The following CACNG3 variants were observed in gnomAD, a reference collection of about 807,000 sequenced individuals.
CACNG3 encodes the protein calcium voltage-gated channel auxiliary subunit gamma 3.
Under a neutral mutation model 28.5 loss-of-function variants are expected in CACNG3, and 3 were observed. That is an observed-to-expected ratio of 0.11 (90% CI 0.05 to 0.27). The LOEUF is 0.27. CACNG3 is among the 10% of genes least tolerant of loss of function. CACNG3 has a pLI of 1.00. For synonymous variants in CACNG3, 174 were observed against 162.2 expected, an observed-to-expected ratio of 1.07 and a Z score of -0.55; for missense variants, 236 against 414.4, an observed-to-expected ratio of 0.57 and a Z score of 3.74.
intron 1 of CACNG3, among the ~76,000 whole-genome samples, chr16:24,259,083 G>A (rs1044714423): frequency 1.1e-4 from 17 of 152,330 alleles, no homozygotes; most frequent in Admixed American, 7.8e-4. Flanking sequence ...AGAAGGAATT[G>A]GATGAATTGA....
intron 2 of CACNG3, among the ~76,000 whole-genome samples, chr16:24,354,417 C>T (rs574827340): frequency 6.6e-6 from 1 of 151,974 alleles, no homozygotes; most frequent in East Asian, 1.9e-4. Flanking sequence ...AAAATGGGGG[C>T]AGTAGTCGCT....
At chr16:24,261,873 G>A (rs1226819470) in intron 1 of CACNG3, among the ~76,000 whole-genome samples, 1 of 152,116 alleles carries the variant, frequency 6.6e-6, no homozygotes, top group Non-Finnish European at 1.5e-5. Flanking sequence ...TCAGCCAGAC[G>A]GGGTTTCAGC....
intron 1 of CACNG3, among the ~76,000 whole-genome samples, chr16:24,277,231 C>A (rs559120980): frequency 6.6e-6 from 1 of 152,284 alleles, no homozygotes; most frequent in Non-Finnish European, 1.5e-5. Context: ...GCAGGACCAG[C>A]ATATGACCTA....
rs1299083629 is a variant in CACNG3, at chr16:24,334,871, C to A, written c.212-11863C>A. ...TGAGAATACACACGCATGCATGCACCCACATGCACAGGTCTGCACATGTGT... is the reference window on the plus strand; with the variant it reads ...TGAGAATACACACGCATGCATGCACACACATGCACAGGTCTGCACATGTGT... On this transcript the variant is annotated intron_variant, in intron 1 of 3. Transcript: ENST00000005284. Among the ~76,000 whole-genome samples the A allele has an allele frequency of 2.0e-5, 3 of 152,266 alleles. No individual in the cohort carries two copies. In the South Asian group the frequency reaches 6.2e-4, roughly 32 times the overall value.
At chr16:24,316,519 C>T (rs1474920904) in intron 1 of CACNG3, among the ~76,000 whole-genome samples, 1 of 152,190 alleles carries the variant, frequency 6.6e-6, no homozygotes, top group Admixed American at 6.5e-5. Context: ...TTTCTGTGTC[C>T]CCCACAGAGC....
At chr16:24,307,116 G>A (rs1899196652) in intron 1 of CACNG3, among the ~76,000 whole-genome samples, 1 of 152,076 alleles carries the variant, frequency 6.6e-6, no homozygotes, top group South Asian at 2.1e-4. Context: ...ATCTCCAAAT[G>A]CCATCTTTGC....
chr16:24,360,651 G>A (rs1179265063), intron 3 of CACNG3, among the ~76,000 whole-genome samples: 1 of 152,142 alleles, frequency 6.6e-6, no homozygotes, highest in African/African-American at 2.4e-5. Context: ...AACTTAATGT[G>A]TTCAAACCTC....
At chr16:24,287,040 G>A (rs1204920660) in intron 1 of CACNG3, among the ~76,000 whole-genome samples, 1 of 152,206 alleles carries the variant, frequency 6.6e-6, no homozygotes, top group Admixed American at 6.5e-5. Context: ...CACAATGGAT[G>A]GGATGGCATG....
At chr16:24,259,372 A>G (rs1413624064) in intron 1 of CACNG3, among the ~76,000 whole-genome samples, 1 of 152,208 alleles carries the variant, frequency 6.6e-6, no homozygotes, top group East Asian at 1.9e-4. Context: ...GGGAAGTCAC[A>G]TGCAGTTGGT....
At chr16:24,287,535 G>T (rs1310706440) in intron 1 of CACNG3, among the ~76,000 whole-genome samples, 1 of 143,044 alleles carries the variant, frequency 7.0e-6, no homozygotes, top group African/African-American at 2.6e-5. Flanking sequence ...AAAAAAAAAA[G>T]GAAGAAAAAG....
chr16:24,335,280 C>T (rs1287453263), intron 1 of CACNG3, among the ~76,000 whole-genome samples: 1 of 151,992 alleles, frequency 6.6e-6, no homozygotes, highest in Non-Finnish European at 1.5e-5. Flanking sequence ...ATTAGCTGGG[C>T]GTGGTGGCGG....
intron 1 of CACNG3, among the ~76,000 whole-genome samples, chr16:24,309,937 G>A (rs889065786): frequency 3.3e-5 from 5 of 152,296 alleles, no homozygotes; most frequent in Admixed American, 2.0e-4. Flanking sequence ...GACTTCAGAC[G>A]TAATTTTAAA....
At chr16:24,325,364 G>A (rs776609738) in intron 1 of CACNG3, among the ~76,000 whole-genome samples, 7 of 152,128 alleles carry the variant, frequency 4.6e-5, no homozygotes, top group African/African-American at 9.7e-5. Context: ...GGGTTAGGGG[G>A]ACGTCAGTTA....
chr16:24,317,313 G>T (rs528222641), intron 1 of CACNG3, among the ~76,000 whole-genome samples: 4 of 152,148 alleles, frequency 2.6e-5, no homozygotes, highest in African/African-American at 9.6e-5. Context: ...AGGCCAAAAC[G>T]GGCGGATCAC....
chr16:24,278,636 A>C (rs1336378257), intron 1 of CACNG3, among the ~76,000 whole-genome samples: 1 of 152,122 alleles, frequency 6.6e-6, no homozygotes, highest in African/African-American at 2.4e-5. Context: ...AAATAAATAA[A>C]TAAATAAAAT....
chr16:24,324,702 T>A (rs1271973417), intron 1 of CACNG3, among the ~76,000 whole-genome samples: 1 of 152,194 alleles, frequency 6.6e-6, no homozygotes, highest in Non-Finnish European at 1.5e-5. Context: ...CAGTGGCCCA[T>A]GTGCTCTCCC....
chr16:24,336,604 C>A (rs1899714366), intron 1 of CACNG3, among the ~76,000 whole-genome samples: 1 of 125,042 alleles, frequency 8.0e-6, no homozygotes, highest in Non-Finnish European at 1.9e-5. Context: ...CTGAGGAGAT[C>A]AAGTCCAGGC....
At chr16:24,257,375 GAGA>G (rs1898476473) in intron 1 of CACNG3, among the ~76,000 whole-genome samples, 1 of 29,896 alleles carries the variant, frequency 3.3e-5, no homozygotes, top group Non-Finnish European at 6.6e-5. Flanking sequence ...GGGGGAGAGA[GAGA>G]GAGAGAGAGA....
At chr16:24,317,075 C>A (rs574877811) in intron 1 of CACNG3, among the ~76,000 whole-genome samples, 32 of 152,136 alleles carry the variant, frequency 2.1e-4, no homozygotes, top group Non-Finnish European at 4.0e-4. Context: ...CCATGAGTGA[C>A]CCTCCAGGCT....
Sources: gnomAD v4.1 joint callset for allele counts (sites outside exome capture counted in the v4.1 genomes callset) on GRCh38, gnomAD v4.1.1 for gene constraint, MANE v1.5 for transcripts, NCBI Gene and HGNC (gene_info 2026-07-23, HGNC 2026-07-21) for gene names.